Variants in ATG7 observed in about 807,000 individuals in gnomAD.
The protein encoded by ATG7 is ubiquitin-like modifier-activating enzyme ATG7.
In ATG7, 70 loss-of-function variants were observed where a neutral mutation model predicts 82.4. The ratio of observed to expected loss-of-function variants is 0.85; its 90% CI spans 0.70 to 1.04. The LOEUF (loss-of-function observed/expected upper bound fraction) is 1.04, where lower values mean the gene tolerates loss of function less well. ATG7 is among the 50% of genes least tolerant of loss of function. ATG7 has a pLI of 0.00. For synonymous variants in ATG7, 287 were observed against 313.0 expected, an observed-to-expected ratio of 0.92 and a Z score of 0.88; for missense variants, 792 against 864.3, an observed-to-expected ratio of 0.92 and a Z score of 1.05.
intron 19 of ATG7, among the ~76,000 whole-genome samples, chr3:11,393,977 G>A (rs965352736): frequency 3.9e-5 from 6 of 152,100 alleles, no homozygotes; most frequent in African/African-American, 7.2e-5. Flanking sequence ...CACCATGCCC[G>A]GCCAGCTTTG....
chr3:11,496,827 C>T (rs956272172), intron 20 of ATG7, among the ~76,000 whole-genome samples: 31 of 152,024 alleles, frequency 2.0e-4, no homozygotes, highest in South Asian at 6.2e-4. Flanking sequence ...AATCCATAGG[C>T]CTTTCCTTAT....
intron 19 of ATG7, among the ~76,000 whole-genome samples, chr3:11,402,638 C>G (rs557158380): frequency 1.3e-5 from 2 of 152,268 alleles, no homozygotes; most frequent in East Asian, 3.9e-4. Flanking sequence ...GCCTGGGCAA[C>G]ATAGTGAAAC....
chr3:11,290,528 C>T, intron 3 of ATG7: 2 of 368,966 alleles, frequency 5.4e-6, no homozygotes, highest in East Asian at 9.7e-5. Flanking sequence ...TGGCCTTCTC[C>T]TTCCTCTTCT....
intron 5 of ATG7, among the ~76,000 whole-genome samples, chr3:11,304,245 T>A (rs1947341846): frequency 6.6e-6 from 1 of 152,220 alleles, no homozygotes. Flanking sequence ...GTGTCTTTCT[T>A]ATTCTCTGCT....
chr3:11,467,077 T>G (rs1442475240), intron 20 of ATG7, among the ~76,000 whole-genome samples: 1 of 151,992 alleles, frequency 6.6e-6, no homozygotes, highest in East Asian at 1.9e-4. Context: ...TGAGCTGACA[T>G]CATGCCATTG....
At chr3:11,561,335 C>T (rs1472859132), downstream of ATG7, among the ~76,000 whole-genome samples, 2 of 145,622 alleles carry the variant, frequency 1.4e-5, no homozygotes, top group Admixed American at 1.4e-4. Flanking sequence ...TCAGAAGAGA[C>T]TCTCTAACAA....
chr3:11,449,256 C>T (rs2084874901), intron 20 of ATG7, among the ~76,000 whole-genome samples: 1 of 152,148 alleles, frequency 6.6e-6, no homozygotes, highest in Non-Finnish European at 1.5e-5. Flanking sequence ...CCTGTAGTCC[C>T]AGCTATTCAG....
chr3:11,459,011 T>A (rs1032283274), intron 20 of ATG7, among the ~76,000 whole-genome samples: 7 of 152,124 alleles, frequency 4.6e-5, no homozygotes, highest in African/African-American at 1.4e-4. Context: ...TAGGACAGTT[T>A]CATTCATCAC....
intron 20 of ATG7, among the ~76,000 whole-genome samples, chr3:11,537,644 C>T (rs2070434091): frequency 6.6e-6 from 1 of 152,158 alleles, no homozygotes; most frequent in Non-Finnish European, 1.5e-5. Context: ...TCAGTCAATC[C>T]CAAGAGGGCT....
At chr3:11,502,917 G>C (rs1463281055) in intron 20 of ATG7, among the ~76,000 whole-genome samples, 1 of 152,148 alleles carries the variant, frequency 6.6e-6, no homozygotes, top group Non-Finnish European at 1.5e-5. Flanking sequence ...CTGAAAGTTT[G>C]CTTTCTGTTA....
chr3:11,337,295 A>G (rs1425906245), intron 11 of ATG7, among the ~76,000 whole-genome samples: 1 of 152,174 alleles, frequency 6.6e-6, no homozygotes, highest in Non-Finnish European at 1.5e-5. Flanking sequence ...TCTACTAAAA[A>G]TACAAAAATT....
At chr3:11,403,374 T>TAGTA (rs1389176241) in intron 19 of ATG7, among the ~76,000 whole-genome samples, 4 of 151,244 alleles carry the variant, frequency 2.6e-5, no homozygotes, top group African/African-American at 9.7e-5. Context: ...TGGGGGAAGG[T>TAGTA]AGTAAGGAGA....
rs112892798 is a variant in ATG7, at chr3:11,399,170, A to C, written c.1956+19118A>C. Among the ~76,000 whole-genome samples, 354 of 152,324 alleles carry C rather than the reference A, an allele frequency of 2.3e-3. 1 individual carries two copies. Among genetic ancestry groups the C allele is most frequent in the African/African-American group, 8.1e-3 (338 of 41,574 alleles). On this transcript the variant is annotated intron_variant, in intron 19 of 20. Coordinates refer to ENST00000693202, the MANE Select transcript of ATG7 (RefSeq NM_001349232.2). Reference sequence around the variant, plus strand: ...CAAGACCAGCCTGGCCAACATGGTGAAACTCCATTTCTACTAAAAATTAAA... The same window carrying C: ...CAAGACCAGCCTGGCCAACATGGTGCAACTCCATTTCTACTAAAAATTAAA...
At chr3:11,543,500 T>C (rs988542098) in intron 20 of ATG7, among the ~76,000 whole-genome samples, 5 of 152,216 alleles carry the variant, frequency 3.3e-5, no homozygotes, top group African/African-American at 1.2e-4. Context: ...TTAATTCCTC[T>C]GCCAAGTCTG....
the ATG7 span, chr3:11,568,663 C>T: frequency 6.4e-7 from 1 of 1,558,996 alleles, no homozygotes; most frequent in African/African-American, 1.4e-5. The surrounding 1 kb of genome is among the most constrained non-coding windows in gnomAD (Gnocchi z 5.9). Flanking sequence ...TTTCCAGGCC[C>T]CGCTCGCCCG....
intron 20 of ATG7, among the ~76,000 whole-genome samples, chr3:11,518,228 T>C (rs976014571): frequency 6.9e-6 from 1 of 143,900 alleles, no homozygotes; most frequent in Non-Finnish European, 1.5e-5. Flanking sequence ...GGATACTGAA[T>C]GCCAAGGTCA....
intron 20 of ATG7, among the ~76,000 whole-genome samples, chr3:11,469,419 G>A (rs763909018): frequency 6.6e-5 from 10 of 151,680 alleles, no homozygotes; most frequent in Non-Finnish European, 8.8e-5. Flanking sequence ...ACTGCACTCC[G>A]GCCTGGGCAA....
At chr3:11,534,090 G>C (rs2092744060) in intron 20 of ATG7, among the ~76,000 whole-genome samples, 1 of 152,222 alleles carries the variant, frequency 6.6e-6, no homozygotes. Flanking sequence ...CCCCCCAGGG[G>C]AAAGCTGCCA....
chr3:11,448,985 C>G (rs1412819069), intron 20 of ATG7, among the ~76,000 whole-genome samples: 1 of 152,186 alleles, frequency 6.6e-6, no homozygotes, highest in Non-Finnish European at 1.5e-5. Context: ...AAATGTCACA[C>G]AAAGTCTGTA....
Sources: gnomAD v4.1 joint callset for allele counts (sites outside exome capture counted in the v4.1 genomes callset) on GRCh38, gnomAD v4.1.1 for gene constraint, Gnocchi (gnomAD v3.1) non-coding constraint, MANE v1.5 for transcripts, NCBI Gene and HGNC (gene_info 2026-07-23, HGNC 2026-07-21) for gene names.